ABR: variants seen among roughly 807,000 people sequenced by gnomAD.
The protein encoded by ABR is active breakpoint cluster region-related protein.
In ABR, 35 loss-of-function variants were observed where a neutral mutation model predicts 107.2. The observed-to-expected ratio is 0.33, with a 90% CI of 0.25 to 0.43. ABR has a LOEUF of 0.43. Ranked by LOEUF, ABR falls within the 20% of genes least tolerant of loss-of-function variation. The pLI, the probability that ABR is intolerant of heterozygous loss-of-function variation, is 1.00. For synonymous variants in ABR, 498 were observed against 462.0 expected (o/e 1.08, Z -1.00); for missense variants, 815 against 1,115.2 (o/e 0.73, Z 3.83).
chr17:1,156,553 G>A (rs1239009650), intron 1 of ABR, among the ~76,000 whole-genome samples: 7 of 152,154 alleles, frequency 4.6e-5, no homozygotes, highest in East Asian at 1.9e-4. Context: ...ACGTGGTGGC[G>A]CACACCTACA....
rs1461014968 is a variant in ABR at position 1,031,724 on chromosome 17, G to T, written c.1791+18326C>A. 4.0e-6 allele frequency: 5 copies of T among 1,244,358 alleles called. No individual in the cohort carries two copies. The East Asian group carries it at 1.6e-4, about 39-fold the overall frequency. 77.1% of individuals were successfully genotyped at this position (1,244,358 alleles called of 1,614,324 possible). On this transcript the variant is annotated intron_variant, in intron 16 of 22. Coordinates refer to ENST00000302538, the MANE Select transcript of ABR (RefSeq NM_021962.5). ...CCGCCTTCGGGCTGCAGTCGGGCTG[G>T]GGCAGGACGTCGGTCATGCCGGGGG...
In ABR at chr17:1,050,504, GT is replaced by G; in HGVS notation, c.1659+32del. The G allele has an allele frequency of 6.3e-7, 1 of 1,591,390 alleles. No homozygotes were observed. Among genetic ancestry groups the G allele is most frequent in the Non-Finnish European group, 8.6e-7 (1 of 1,159,892 alleles). On this transcript the variant is annotated intron_variant, in intron 15 of 22. Transcript: ENST00000302538. This position sits in a 1 kb window ranked among gnomAD's most constrained non-coding sequence, Gnocchi z 4.6. ...CAAGCCACGAGCACGGGGTGGTGGG[GT>G]CCCCACAGAGATGCCAGCCCCTGCC...
intron 1 of ABR, among the ~76,000 whole-genome samples, chr17:1,140,360 G>A (rs1035779196): frequency 1.3e-5 from 2 of 152,130 alleles, no homozygotes; most frequent in African/African-American, 4.8e-5. Context: ...AAGATCCAAC[G>A]GGCAGCCAGA....
intron 1 of ABR, among the ~76,000 whole-genome samples, chr17:1,193,273 T>G (rs8067891): frequency 6.2e-5 from 9 of 144,046 alleles, no homozygotes; most frequent in African/African-American, 7.4e-5. Flanking sequence ...GGACACCCCC[T>G]CCCCCTCAAT....
At chr17:1,054,482 CACAAGGAACCTCAAAGGGATGGGGAT>C in intron 14 of ABR, among the ~76,000 whole-genome samples, 15 of 148,724 alleles carry the variant, frequency 1.0e-4, no homozygotes, top group African/African-American at 3.6e-4. Flanking sequence ...GGGATGGGGG[CACAAGGAACCTCAAAGGGATGGGGAT>C]ACAAGGAACC....
At position 1,179,196 on chromosome 17, in the gene ABR, A is replaced by C. The variant is rs34850632; in HGVS notation, c.61+471T>G. 0.34 allele frequency among the ~76,000 whole-genome samples: 51,364 copies of C among 150,844 alleles called. 9,009 individuals carry two copies. Among genetic ancestry groups the C allele is most frequent in the Middle Eastern group, 0.45 (131 of 292 alleles). On this transcript the variant is annotated intron_variant, in intron 1 of 22. Transcript: ENST00000302538. The surrounding 1 kb of genome is among the most constrained non-coding windows in gnomAD (Gnocchi z 4.9). ...ACCCCTGGGCCCTGAACCACACATGACCCGGTGCCCCTGGGGTGGCAAACT... is the reference window on the plus strand; with the variant it reads ...ACCCCTGGGCCCTGAACCACACATGCCCCGGTGCCCCTGGGGTGGCAAACT...
At chr17:1,059,017 T>C in intron 10 of ABR, 150 bp from the exon 11 acceptor site, 2 of 1,192,582 alleles carry the variant, frequency 1.7e-6, no homozygotes, top group African/African-American at 1.5e-5. Flanking sequence ...GAGAGGCGGG[T>C]AGCTGGGTGA....
At position 1,154,618 on chromosome 17, in the gene ABR, A is replaced by C. The variant is rs532479471; in HGVS notation, c.61+25049T>G. On this transcript the variant is annotated intron_variant, in intron 1 of 22. Transcript: ENST00000302538. This position sits in a 1 kb window ranked among gnomAD's most constrained non-coding sequence, Gnocchi z 4.0. ...CATCCCCCAATTTCATGGAACGAGC[A>C]CACAGAAAGGATGGGGGTCACCTCG... 6.6e-6 allele frequency: 1 copy of C among 152,526 alleles called. No individual in the cohort carries two copies. The highest frequency in any genetic ancestry group is 2.1e-4 in the South Asian group (1 of 4,812). The allele number at this position is 152,526 out of a possible 1,614,324, so 9.4% of individuals were successfully genotyped here. A position where few individuals can be genotyped will look rare whatever the true frequency, so the allele number is the denominator to read the frequency against.
chr17:1,072,809 G>A, intron 7 of ABR, 55 bp from the exon 8 acceptor site: 1 of 1,578,466 alleles, frequency 6.3e-7, no homozygotes, highest in Non-Finnish European at 8.6e-7. Context: ...CTGATGTGTG[G>A]CCACCGGGGA....
At chr17:1,042,333 A>C (rs78315835) in intron 16 of ABR, among the ~76,000 whole-genome samples, 7 of 140,590 alleles carry the variant, frequency 5.0e-5, no homozygotes, top group Non-Finnish European at 1.1e-4. Context: ...CAAACGGATG[A>C]ATAAACAGAC....
At chr17:1,041,351 C>A (rs916339614) in intron 16 of ABR, among the ~76,000 whole-genome samples, 2 of 152,230 alleles carry the variant, frequency 1.3e-5, no homozygotes, top group Admixed American at 6.5e-5. Flanking sequence ...TGGACGCACA[C>A]GTCACAGCAC....
At chr17:1,159,266 C>T (rs72814093) in intron 1 of ABR, among the ~76,000 whole-genome samples, 5,188 of 56,354 alleles carry the variant, frequency 0.092, 226 homozygotes, top group East Asian at 0.19. Flanking sequence ...AGTAGGAATG[C>T]GGTACTCACA....
intron 18 of ABR, chr17:1,012,350 G>A (rs982698467): frequency 1.5e-5 from 10 of 645,520 alleles, no homozygotes; most frequent in African/African-American, 1.2e-4. Flanking sequence ...GTGAACCGGG[G>A]GACACGTGCC....
chr17:1,022,120 A>AAAAACAAAAAAAAC (rs1555534388), intron 16 of ABR, among the ~76,000 whole-genome samples: 3 of 118,388 alleles, frequency 2.5e-5, no homozygotes, highest in South Asian at 2.7e-4. Context: ...AAAAAAAAAA[A>AAAAACAAAAAAAAC]AAAAACAGAA....
In ABR at chr17:1,005,552, G is replaced by A. The variant is rs565140802; in HGVS notation, c.*528C>T. The A allele has an allele frequency of 4.9e-4, 93 of 191,602 alleles. No individual in the cohort carries two copies. Among genetic ancestry groups the A allele is most frequent in the Middle Eastern group, 3.9e-3 (2 of 514 alleles). 11.9% of individuals were successfully genotyped at this position (191,602 alleles called of 1,614,324 possible). A position where few individuals can be genotyped will look rare whatever the true frequency, so the allele number is the denominator to read the frequency against. The stretch of plus-strand genomic sequence containing the variant: ...TTCAGAGCTTTCAAGGCGATGGAGC[G>A]AAGACCAAGGGTGCACATGCATGCA... On this transcript the variant is annotated 3_prime_UTR_variant, in exon 23 of 23. Transcript: ENST00000302538.
At chr17:1,182,560 G>A (rs2042169550), upstream of ABR, among the ~76,000 whole-genome samples, 1 of 152,154 alleles carries the variant, frequency 6.6e-6, no homozygotes, top group South Asian at 2.1e-4. Flanking sequence ...TAGAGACGGG[G>A]TTTCACCTTG....
chr17:1,180,148 G>C (rs2042083766), upstream of ABR, among the ~76,000 whole-genome samples: 1 of 151,826 alleles, frequency 6.6e-6, no homozygotes, highest in African/African-American at 2.4e-5. Context: ...GGGCTCCGGC[G>C]CTGGGCGAGG....
intron 1 of ABR, among the ~76,000 whole-genome samples, chr17:1,162,968 A>G (rs1252232825): frequency 6.6e-6 from 1 of 152,160 alleles, no homozygotes; most frequent in Non-Finnish European, 1.5e-5. Context: ...GCTACTCAGG[A>G]GGCTGAGGCA....
At chr17:1,229,074 C>G (rs1306179944) in exon 1 of ABR, 1 of 151,548 alleles carries the variant, frequency 6.6e-6, no homozygotes, top group Non-Finnish European at 1.5e-5. Flanking sequence ...CGCCCGCTCG[C>G]GGGTCCCGAA....
Sources: gnomAD v4.1 joint callset for allele counts (sites outside exome capture counted in the v4.1 genomes callset) on GRCh38, gnomAD v4.1.1 for gene constraint, Gnocchi (gnomAD v3.1) non-coding constraint, MANE v1.5 for transcripts, NCBI Gene and HGNC (gene_info 2026-07-23, HGNC 2026-07-21) for gene names.